Variants in HARS2 observed in about 807,000 individuals in gnomAD.
HARS2 encodes the protein histidyl-tRNA synthetase 2, mitochondrial.
Under a neutral mutation model 62.4 loss-of-function variants are expected in HARS2, and 40 were observed. The ratio of observed to expected loss-of-function variants is 0.64; its 90% CI spans 0.50 to 0.83. The LOEUF (loss-of-function observed/expected upper bound fraction) is 0.83. Ranked by LOEUF, HARS2 falls within the 40% of genes least tolerant of loss-of-function variation. The probability of loss-of-function intolerance (pLI) is 0.00; values close to 1 mark genes in which losing one functional copy is unlikely to be tolerated. For missense variants in HARS2, 569 were observed against 626.4 expected, an observed-to-expected ratio of 0.91 and a Z score of 0.98; for synonymous variants, 228 against 227.0, an observed-to-expected ratio of 1.00 and a Z score of -0.04.
intron 4 of HARS2, among the ~76,000 whole-genome samples, chr5:140,694,897 G>A (rs1435975804): frequency 1.3e-5 from 2 of 152,194 alleles, no homozygotes; most frequent in Non-Finnish European, 2.9e-5. Flanking sequence ...AGTGAGCCGA[G>A]ATTGCGCCAT....
intron 1 of HARS2, among the ~76,000 whole-genome samples, chr5:140,692,625 G>A (rs1219395558): frequency 1.3e-5 from 2 of 152,178 alleles, no homozygotes; most frequent in Non-Finnish European, 2.9e-5. Context: ...GGGCACAGTG[G>A]CTCATGCCTG....
chr5:140,698,160 G>T, intron 12 of HARS2, 82 bp downstream of exon 12: 1 of 1,315,486 alleles, frequency 7.6e-7, no homozygotes, highest in South Asian at 1.2e-5. Flanking sequence ...TCTTCTGGCT[G>T]AGAAATTATC....
rs1759574343 is a variant in HARS2, at chr5:140,692,887, A to G, written c.109-704A>G. ...AGCCTGGGCGACAGAGTAAGACTCTATCTGAAAAAAAAAAAAAAATTATTT... is the reference window on the plus strand; with the variant it reads ...AGCCTGGGCGACAGAGTAAGACTCTGTCTGAAAAAAAAAAAAAAATTATTT... On this transcript the variant is annotated intron_variant, in intron 1 of 12. Transcript: ENST00000230771. Among the ~76,000 whole-genome samples the G allele has an allele frequency of 3.3e-5, 5 of 149,692 alleles. No homozygotes were observed. In the South Asian group the frequency reaches 1.1e-3, roughly 32 times the overall value.
chr5:140,692,064 T>C (rs1759516938), intron 1 of HARS2: 1 of 401,482 alleles, frequency 2.5e-6, no homozygotes, highest in Non-Finnish European at 4.5e-6. Context: ...CTGAAACTCT[T>C]GGACTCAAAC....
chr5:140,692,258 T>C (rs1298236104), intron 1 of HARS2: 2 of 174,344 alleles, frequency 1.1e-5, no homozygotes, highest in African/African-American at 2.4e-5. Flanking sequence ...CTTGGACTTC[T>C]CTTAGGGCAG....
At position 140,696,180 on chromosome 5, in the gene HARS2, C is replaced by T. The variant is rs760217356; in HGVS notation, c.711C>T (p.Ser237=). ...VPESKFRAIC[S]SIDKLDKMAW... ...AAAGCAAGTTCCGTGCCATCTGCTC[C>T]TCCATAGATAAACTAGACAAGGTAA... is the stretch of plus-strand genomic sequence containing the variant. Residue 237 remains serine (S), a synonymous_variant, in exon 7 of 13, where the codon TCC becomes TCT. Transcript: ENST00000230771. The T allele has an allele frequency of 6.2e-7, 1 of 1,611,272 alleles. No individual in the cohort carries two copies. The highest frequency in any genetic ancestry group is 8.5e-7 in the Non-Finnish European group (1 of 1,177,448).
intron 4 of HARS2, 82 bp from the exon 5 acceptor site, chr5:140,695,426 C>CAGTTGTTAT: frequency 6.7e-7 from 1 of 1,500,644 alleles, no homozygotes; most frequent in Non-Finnish European, 9.3e-7. Flanking sequence ...GGATGAGATC[C>CAGTTGTTAT]AGGCCCAGTC....
At chr5:140,694,360 CTT>C (rs1759667831) in intron 4 of HARS2, 80 bp downstream of exon 4, 1 of 971,768 alleles carries the variant, frequency 1.0e-6, no homozygotes, top group Non-Finnish European at 1.7e-6. Context: ...GAGAACGTGA[CTT>C]TGGGATCTTA....
At chr5:140,693,446 G>C (rs1421494481) in intron 1 of HARS2, 145 bp from the exon 2 acceptor site, 1 of 1,527,530 alleles carries the variant, frequency 6.5e-7, no homozygotes. Flanking sequence ...GGGTGGGACT[G>C]AGATTGGGAT....
rs762481131 is a variant in HARS2, at chr5:140,697,547, T to G, written c.1198-22T>G. On this transcript the variant is annotated intron_variant, in intron 10 of 12. Coordinates refer to ENST00000230771, the MANE Select transcript of HARS2 (RefSeq NM_012208.4). ...GGTGGAAAGGAGGTTTTTATTAGTT[T>G]TACTTTCTTCTCTCTTATTAGACCA... 5.0e-6 allele frequency: 8 copies of G among 1,605,344 alleles called. No individual in the cohort carries two copies. The East Asian group carries it at 1.8e-4, about 36-fold the overall frequency.
intron 8 of HARS2, 99 bp from the exon 9 acceptor site, chr5:140,696,844 T>TC: frequency 8.9e-7 from 1 of 1,117,684 alleles, no homozygotes; most frequent in Non-Finnish European, 1.3e-6. Flanking sequence ...TTTTTTTTTT[T>TC]TTTTTTAAAG....
rs537026486 is a variant in HARS2, at chr5:140,695,581, G to T, written c.473G>T (p.Arg158Leu). ...CGTTATCATGTTGGAAAGGTGTGGC[G>T]GCGAGAGAGCCCAACCATAGTCCAA... ...MKRYHVGKVW[R>L]RESPTIVQGR... The change falls in exon 5 of 13, where the codon CGG becomes CTG. Residue 158 changes from arginine to leucine, a missense_variant. Transcript: ENST00000230771. 2 of 1,614,166 alleles carry T rather than the reference G, an allele frequency of 1.2e-6. No individual in the cohort carries two copies. The highest frequency in any genetic ancestry group is 1.7e-6 in the Non-Finnish European group (2 of 1,180,030).
rs137973410 is a variant in HARS2, at chr5:140,695,981, A to G, written c.634-122A>G. 9.0e-5 allele frequency: 88 copies of G among 976,406 alleles called. No individual in the cohort carries two copies. In the African/African-American group the frequency reaches 1.0e-3, roughly 11 times the overall value. The allele number at this position is 976,406 out of a possible 1,614,324, so 60.5% of individuals were successfully genotyped here. A position where few individuals can be genotyped will look rare whatever the true frequency, so the allele number is the denominator to read the frequency against. The stretch of plus-strand genomic sequence containing the variant: ...TCCTAGTAAAGCTGTTGTATTTCCT[A>G]TATGTCTGTACTCTTCCTGTGAAAT... On this transcript the variant is annotated intron_variant, in intron 6 of 12. Coordinates refer to ENST00000230771, the MANE Select transcript of HARS2 (RefSeq NM_012208.4).
intron 6 of HARS2, 27 bp from the exon 7 acceptor site, chr5:140,696,076 C>G (rs774932389): frequency 6.5e-7 from 1 of 1,536,982 alleles, no homozygotes; most frequent in East Asian, 2.2e-5. Flanking sequence ...TTGACAAGCA[C>G]TTGGGTCACT....
chr5:140,692,809 C>T (rs1314122264), intron 1 of HARS2, among the ~76,000 whole-genome samples: 9 of 151,680 alleles, frequency 5.9e-5, no homozygotes, highest in Non-Finnish European at 1.3e-4. Context: ...AGGAGAATCG[C>T]TTGAACCCGG....
At chr5:140,693,321 G>A (rs1221140156) in intron 1 of HARS2, among the ~76,000 whole-genome samples, 1 of 145,584 alleles carries the variant, frequency 6.9e-6, no homozygotes, top group Non-Finnish European at 1.5e-5. Context: ...AACAGACCGA[G>A]ACTCTGTCTC....
intron 8 of HARS2, 54 bp downstream of exon 8, chr5:140,696,668 G>A (rs1759756159): frequency 8.3e-7 from 1 of 1,204,494 alleles, no homozygotes. Flanking sequence ...GGTGACATGT[G>A]CTCAAATTCT....
intron 12 of HARS2, 127 bp from the exon 13 acceptor site, chr5:140,698,366 A>G (rs1261057467): frequency 7.2e-6 from 6 of 838,636 alleles, no homozygotes; most frequent in African/African-American, 3.3e-5. Context: ...AGGTCAACCC[A>G]CACTACTCCT....
At chr5:140,693,348 A>AT in intron 1 of HARS2, 1 of 697,520 alleles carries the variant, frequency 1.4e-6, no homozygotes, top group Non-Finnish European at 2.3e-6. Flanking sequence ...AAAAAAAAAA[A>AT]TCCATATACA....
Sources: gnomAD v4.1 joint callset for allele counts (sites outside exome capture counted in the v4.1 genomes callset) on GRCh38, gnomAD v4.1.1 for gene constraint, MANE v1.5 for transcripts, NCBI Gene and HGNC (gene_info 2026-07-23, HGNC 2026-07-21) for gene names.